Variants in PLAC1 observed in about 807,000 individuals in gnomAD.
PLAC1 encodes the protein placenta-specific protein 1.
For missense variants in PLAC1, 136 were observed against 163.2 expected, an observed-to-expected ratio of 0.83 and a Z score of 0.91; for synonymous variants, 68 against 62.1, an observed-to-expected ratio of 1.09 and a Z score of -0.44.
At position 134,586,679 on chromosome X, in the gene PLAC1, T is replaced by C. The variant is rs1194994752; in HGVS notation, c.-59+15372A>G. Among the ~76,000 whole-genome samples, 4 of 101,026 alleles carry C rather than the reference T, an allele frequency of 4.0e-5. No homozygotes were observed. The Admixed American group carries it at 4.2e-4, about 11-fold the overall frequency. The allele number at this position is 101,026 out of a possible 115,157, so 87.7% of individuals were successfully genotyped here. A position where few individuals can be genotyped will look rare whatever the true frequency, so the allele number is the denominator to read the frequency against. On this transcript the variant is annotated intron_variant, in intron 2 of 2. Transcript: ENST00000359237. ...TTTTTCTTTTTCTTTTCTTTTTTTT[T>C]TTTTTTTTTGAGATGGAGCCTCACT...
chrX:134,705,000 T>TTATATATA (rs746596481), intron 2 of PLAC1, among the ~76,000 whole-genome samples: 2 of 81,189 alleles, frequency 2.5e-5, no homozygotes, highest in African/African-American at 5.2e-5. Flanking sequence ...CTCAAAAAAA[T>TTATATATA]TATATATATA....
intron 1 of PLAC1, among the ~76,000 whole-genome samples, chrX:134,738,096 G>A (rs2078707819): frequency 9.0e-6 from 1 of 111,638 alleles, no homozygotes; most frequent in South Asian, 3.8e-4. Flanking sequence ...CATCTTTGAG[G>A]GAAGACATAA....
chrX:134,709,549 C>A (rs1435312044), intron 2 of PLAC1, among the ~76,000 whole-genome samples: 1 of 111,182 alleles, frequency 9.0e-6, no homozygotes, highest in Non-Finnish European at 1.9e-5. Flanking sequence ...TCGCTTGAAC[C>A]CGGGATCGCG....
chrX:134,709,557 G>A (rs1179108758), intron 2 of PLAC1, among the ~76,000 whole-genome samples: 3 of 110,766 alleles, frequency 2.7e-5, no homozygotes, highest in East Asian at 2.8e-4. Flanking sequence ...ACCCGGGATC[G>A]CGCCACTGCA....
At chrX:134,664,739 A>G (rs761860746) in intron 2 of PLAC1, among the ~76,000 whole-genome samples, 1 of 111,724 alleles carries the variant, frequency 9.0e-6, no homozygotes, top group Non-Finnish European at 1.9e-5. Flanking sequence ...GAGAGGTGAG[A>G]AGCACTATTT....
At chrX:134,589,941 A>G (rs978684639) in intron 2 of PLAC1, among the ~76,000 whole-genome samples, 3 of 110,916 alleles carry the variant, frequency 2.7e-5, no homozygotes, top group African/African-American at 3.3e-5. Flanking sequence ...CACGCCTGTA[A>G]TCCCAGCACT....
intron 1 of PLAC1, among the ~76,000 whole-genome samples, chrX:134,632,821 CA>C (rs980284482): frequency 1.8e-5 from 2 of 111,272 alleles, no homozygotes; most frequent in Non-Finnish European, 3.8e-5. Flanking sequence ...CAGAGAATAC[CA>C]AAACCAGTGT....
At chrX:134,601,060 TCACACACACA>T (rs373837274) in intron 2 of PLAC1, 4 of 96,321 alleles carry the variant, frequency 4.2e-5, no homozygotes, top group South Asian at 1.1e-3. Context: ...TTTTTTTTCT[TCACACACACA>T]CACACACACA....
chrX:134,655,332 T>TACACACACAC lies in PLAC1; in HGVS notation c.-131+2986_-131+2995dup, dbSNP rs545237127. ...TTCTGTTTCTATCAGTCAATCTATT[T>TACACACACAC]ACACACACACACACACACACACACA... On this transcript the variant is annotated intron_variant, in intron 1 of 2. Coordinates refer to ENST00000359237, the MANE Select transcript of PLAC1 (RefSeq NM_021796.4). Among the ~76,000 whole-genome samples the TACACACACAC allele has an allele frequency of 2.7e-3, 264 of 99,143 alleles. 1 individual carries two copies. Among genetic ancestry groups the TACACACACAC allele is most frequent in the South Asian group, 0.016 (32 of 1,990 alleles). The allele number at this position is 99,143 out of a possible 115,157, so 86.1% of individuals were successfully genotyped here. A position where few individuals can be genotyped will look rare whatever the true frequency, so the allele number is the denominator to read the frequency against.
intron 1 of PLAC1, chrX:134,607,668 G>T: frequency 8.6e-6 from 1 of 115,946 alleles, no homozygotes; most frequent in South Asian, 3.3e-4. Flanking sequence ...AAGGCCTCTG[G>T]ACTGTAACAA....
intron 2 of PLAC1, among the ~76,000 whole-genome samples, chrX:134,703,134 C>T (rs888034572): frequency 9.0e-6 from 1 of 111,637 alleles, no homozygotes; most frequent in Non-Finnish European, 1.9e-5. Context: ...AAAACAGAAA[C>T]TGTAAATTGA....
intron 2 of PLAC1, among the ~76,000 whole-genome samples, chrX:134,583,952 C>T (rs1363286670): frequency 9.1e-6 from 1 of 109,706 alleles, no homozygotes; most frequent in African/African-American, 3.3e-5. Context: ...ACTGCCCTGG[C>T]TAGCCCAGGC....
chrX:134,575,307 G>A (rs1487784592), intron 2 of PLAC1, among the ~76,000 whole-genome samples: 2 of 110,753 alleles, frequency 1.8e-5, no homozygotes, highest in South Asian at 7.7e-4. Context: ...TTTGACTTTG[G>A]GTGTGATAGC....
intron 1 of PLAC1, among the ~76,000 whole-genome samples, chrX:134,612,454 A>G (rs2078158651): frequency 8.9e-6 from 1 of 112,390 alleles, no homozygotes; most frequent in South Asian, 3.7e-4. Flanking sequence ...CAAATGTTTC[A>G]TCTCTTATAA....
At chrX:134,718,926 AGGCTGCTGACT>A (rs1195860448) in intron 2 of PLAC1, among the ~76,000 whole-genome samples, 1 of 111,882 alleles carries the variant, frequency 8.9e-6, no homozygotes, top group Non-Finnish European at 1.9e-5. Flanking sequence ...TGTGTGGGAC[AGGCTGCTGACT>A]GGCTGCTGAC....
intron 2 of PLAC1, among the ~76,000 whole-genome samples, chrX:134,703,866 C>T (rs2078591731): frequency 9.2e-6 from 1 of 108,707 alleles, no homozygotes; most frequent in Non-Finnish European, 1.9e-5. Flanking sequence ...ACATATTTAG[C>T]TTATTTTATT....
intron 2 of PLAC1, among the ~76,000 whole-genome samples, chrX:134,718,328 C>CT (rs928898077): frequency 9.0e-5 from 10 of 111,136 alleles, no homozygotes; most frequent in Non-Finnish European, 1.5e-4. Context: ...GGGGTGTCAC[C>CT]TTTTTTTTCC....
intron 2 of PLAC1, among the ~76,000 whole-genome samples, chrX:134,687,235 C>T (rs1045908053): frequency 1.8e-4 from 20 of 111,670 alleles, no homozygotes; most frequent in Admixed American, 3.8e-4. Context: ...AAAACTCTCC[C>T]CTTGCCCATG....
intron 2 of PLAC1, among the ~76,000 whole-genome samples, chrX:134,567,632 C>T (rs779008134): frequency 9.2e-6 from 1 of 109,065 alleles, no homozygotes; most frequent in Non-Finnish European, 1.9e-5. Flanking sequence ...GTGGTGCACG[C>T]CTGTAGTATG....
Sources: allele counts gnomAD v4.1 joint callset (sites outside exome capture counted in the v4.1 genomes callset), GRCh38; gene constraint gnomAD v4.1.1; transcripts MANE v1.5; gene names NCBI Gene and HGNC (gene_info 2026-07-23, HGNC 2026-07-21).